Variants in BAZ2B observed in about 807,000 individuals in gnomAD.
BAZ2B encodes the protein bromodomain adjacent to zinc finger domain protein 2B.
Under a neutral mutation model 246.0 loss-of-function variants are expected in BAZ2B, and 91 were observed. The observed-to-expected ratio is 0.37, with a 90% CI of 0.31 to 0.44. The LOEUF is 0.44. Ranked by LOEUF, BAZ2B falls within the 20% of genes least tolerant of loss-of-function variation. BAZ2B has a pLI of 1.00. For missense variants in BAZ2B, 2,332 were observed against 2,533.7 expected (o/e 0.92, Z 1.71); for synonymous variants, 855 against 860.0 (o/e 0.99, Z 0.10).
intron 30 of BAZ2B, among the ~76,000 whole-genome samples, chr2:159,348,319 C>CAAAA (rs541304274): frequency 0.017 from 459 of 27,148 alleles, 37 homozygotes; most frequent in African/African-American, 0.04. Flanking sequence ...GACTCTCTCA[C>CAAAA]AAAAAAAAAA....
At chr2:159,503,755 ATTTTT>A (rs997354283) in intron 2 of BAZ2B, among the ~76,000 whole-genome samples, 1 of 151,742 alleles carries the variant, frequency 6.6e-6, no homozygotes, top group African/African-American at 2.4e-5. Context: ...AATTTTTTGT[ATTTTT>A]AGTAGAGACA....
At chr2:159,383,016 T>G (rs896456949) in intron 24 of BAZ2B, among the ~76,000 whole-genome samples, 1 of 152,106 alleles carries the variant, frequency 6.6e-6, no homozygotes, top group Non-Finnish European at 1.5e-5. Context: ...TCTAGATATC[T>G]CTTTGGAATT....
the BAZ2B span, among the ~76,000 whole-genome samples, chr2:159,683,656 G>C: frequency 0.46 from 69,472 of 151,992 alleles, 16,731 homozygotes; most frequent in Middle Eastern, 0.64. Flanking sequence ...GTGTTAACAG[G>C]GCTGGTTCCT....
chr2:159,350,055 G>A lies in BAZ2B; in HGVS notation c.4516C>T (p.His1506Tyr), dbSNP rs1438695781. 4 of 1,614,024 alleles carry A rather than the reference G, an allele frequency of 2.5e-6. No individual in the cohort carries two copies. The African/African-American group carries it at 5.3e-5, about 22-fold the overall frequency. ...CTLSYQNSGK[H>Y]SLGSVQSTAT... Reference sequence around the variant, plus strand: ...GTTGACTGAACGCTGCCCAGTGAATGTTTTCCACTGTTCTGATAAGACAAC... The same window carrying A: ...GTTGACTGAACGCTGCCCAGTGAATATTTTCCACTGTTCTGATAAGACAAC... The change falls in exon 28 of 37, where the codon CAT becomes TAT. Residue 1506 changes from histidine to tyrosine, a missense_variant. His to Tyr is a moderately conservative substitution (Grantham distance 83, BLOSUM62 2). This residue lies in a region of BAZ2B where 676 missense variants were observed against 668.6 expected (regional missense o/e 1.01). Transcript: ENST00000392783.
chr2:159,340,431 T>C (rs1300199455), intron 31 of BAZ2B, among the ~76,000 whole-genome samples: 1 of 152,116 alleles, frequency 6.6e-6, no homozygotes, highest in African/African-American at 2.4e-5. Flanking sequence ...TACAGGAAGT[T>C]TGAAGAATCC....
At chr2:159,397,480 G>GT in intron 18 of BAZ2B, 91 bp from the exon 19 acceptor site, 1 of 788,046 alleles carries the variant, frequency 1.3e-6, no homozygotes, top group Non-Finnish European at 2.0e-6. Context: ...AGATTCTATA[G>GT]TTTTTCATTA....
intron 2 of BAZ2B, among the ~76,000 whole-genome samples, chr2:159,514,310 C>A (rs2083227623): frequency 6.6e-6 from 1 of 152,254 alleles, no homozygotes; most frequent in South Asian, 2.1e-4. Flanking sequence ...CATTGGATAT[C>A]TCTCCTTTGC....
At chr2:159,633,580 GA>G in the BAZ2B span, among the ~76,000 whole-genome samples, 1 of 152,088 alleles carries the variant, frequency 6.6e-6, no homozygotes, top group Admixed American at 6.6e-5. Context: ...AAAGCTCCCT[GA>G]AATCACTAAA....
At chr2:159,506,211 C>G (rs1209388537) in intron 2 of BAZ2B, among the ~76,000 whole-genome samples, 2 of 152,092 alleles carry the variant, frequency 1.3e-5, no homozygotes. Context: ...GGGTAAGGCT[C>G]TCTACCCATG....
intron 23 of BAZ2B, among the ~76,000 whole-genome samples, chr2:159,384,618 A>T (rs1576379089): frequency 6.6e-6 from 1 of 152,168 alleles, no homozygotes; most frequent in Non-Finnish European, 1.5e-5. Flanking sequence ...TACTAGTAAC[A>T]AGTACTAGAG....
At chr2:159,601,185 A>T (rs1364077843) in intron 1 of BAZ2B, among the ~76,000 whole-genome samples, 1 of 152,228 alleles carries the variant, frequency 6.6e-6, no homozygotes, top group Non-Finnish European at 1.5e-5. Flanking sequence ...CCAAATATTT[A>T]AAATGATCAA....
rs766623002 is a variant in BAZ2B at position 159,428,392 on chromosome 2, G to A, written c.2283C>T (p.Asn761=). The part of the protein sequence containing the change: ...YGWQRETRIR[N]FGGRLQGEVA... ...CTTCTCCTTGAAGGCGCCCTCCAAA[G>A]TTTCTTATTCTTGTCTCTCTCTGCC... Residue 761 remains asparagine, a synonymous_variant, in exon 12 of 37, where the codon AAC becomes AAT. Transcript: ENST00000392783. 1 of 1,613,060 alleles carries A rather than the reference G, an allele frequency of 6.2e-7. No homozygotes were observed. Among genetic ancestry groups the A allele is most frequent in the East Asian group, 2.2e-5 (1 of 44,798 alleles).
chr2:159,592,223 C>A (rs563158653), intron 1 of BAZ2B, among the ~76,000 whole-genome samples: 1 of 152,142 alleles, frequency 6.6e-6, no homozygotes, highest in Non-Finnish European at 1.5e-5. Context: ...TTACATATAA[C>A]GTGTCTAGAA....
intron 3 of BAZ2B, among the ~76,000 whole-genome samples, chr2:159,456,080 A>G (rs553424278): frequency 1.4e-3 from 212 of 152,102 alleles, no homozygotes; most frequent in African/African-American, 4.8e-3. Flanking sequence ...AATTATATCA[A>G]TTACATGTAT....
chr2:159,657,760 C>CT, the BAZ2B span, among the ~76,000 whole-genome samples: 3 of 152,164 alleles, frequency 2.0e-5, no homozygotes, highest in African/African-American at 4.8e-5. Context: ...ATTCAAATTG[C>CT]TCATTGCTGG....
chr2:159,677,611 T>C, the BAZ2B span, among the ~76,000 whole-genome samples: 2 of 152,142 alleles, frequency 1.3e-5, no homozygotes, highest in Non-Finnish European at 2.9e-5. Context: ...GAGGACAAAA[T>C]ACACTTATAA....
intron 1 of BAZ2B, among the ~76,000 whole-genome samples, chr2:159,602,994 G>A (rs1692521380): frequency 6.6e-6 from 1 of 152,030 alleles, no homozygotes; most frequent in South Asian, 2.1e-4. Flanking sequence ...AAAATTAGCC[G>A]GGCATGGTGG....
At chr2:159,449,064 T>C (rs2074661352) in intron 4 of BAZ2B, among the ~76,000 whole-genome samples, 2 of 152,154 alleles carry the variant, frequency 1.3e-5, no homozygotes, top group South Asian at 4.1e-4. Context: ...AAGTTAATGA[T>C]GAAAGCCTGA....
intron 1 of BAZ2B, among the ~76,000 whole-genome samples, chr2:159,594,368 C>T (rs1467750488): frequency 2.0e-5 from 3 of 152,102 alleles, no homozygotes; most frequent in Non-Finnish European, 4.4e-5. Context: ...GATCGCGCCA[C>T]CGCGCTCCAG....
Sources: allele counts gnomAD v4.1 joint callset (sites outside exome capture counted in the v4.1 genomes callset), GRCh38; gene constraint gnomAD v4.1.1; regional missense constraint gnomAD v4.1.1; transcripts MANE v1.5; gene names NCBI Gene and HGNC (gene_info 2026-07-23, HGNC 2026-07-21).